The following ZC2HC1A variants were observed in gnomAD, a reference collection of about 807,000 sequenced individuals.
ZC2HC1A encodes zinc finger C2HC-type containing 1A, also known as zinc finger C2HC domain-containing protein 1A.
Under a neutral mutation model 40.7 loss-of-function variants are expected in ZC2HC1A, and 28 were observed. The ratio of observed to expected loss-of-function variants is 0.69; its 90% confidence interval spans 0.51 to 0.94. The LOEUF is 0.94. Among genes scored for constraint, ZC2HC1A ranks in the 40% least tolerant of loss-of-function variants. ZC2HC1A has a pLI of 0.00. For missense variants in ZC2HC1A, 389 were observed against 386.3 expected, an observed-to-expected ratio of 1.01 and a Z score of -0.06; for synonymous variants, 129 against 129.2, an observed-to-expected ratio of 1.00 and a Z score of 0.01.
At chr8:78,702,476 A>C (rs1810636183) in intron 7 of ZC2HC1A, among the ~76,000 whole-genome samples, 1 of 151,916 alleles carries the variant, frequency 6.6e-6, no homozygotes, top group African/African-American at 2.4e-5. Flanking sequence ...TTTAGCTCTG[A>C]TTTTGACTAT....
rs201769469 is a variant in ZC2HC1A at position 78,689,328 on chromosome 8, A to G, written c.459A>G (p.Lys153=). ...EQAARISNKG[K]FSTDTKGKPT... ...CAGCACGTATTAGTAATAAAGGGAA[A>G]TTTTCTACAGATACCAAAGGAAAAC... Residue 153 remains lysine (K), a synonymous_variant, in exon 5 of 9, where the codon AAA becomes AAG. Coordinates refer to ENST00000263849, the MANE Select transcript of ZC2HC1A (RefSeq NM_016010.3). 856 of 1,603,634 alleles carry G rather than the reference A, an allele frequency of 5.3e-4. 1 individual carries two copies. Among genetic ancestry groups the G allele is most frequent in the Non-Finnish European group, 6.5e-4 (759 of 1,175,194 alleles).
At chr8:78,716,201 C>T (rs1811096212) in intron 8 of ZC2HC1A, among the ~76,000 whole-genome samples, 1 of 151,504 alleles carries the variant, frequency 6.6e-6, no homozygotes, top group Non-Finnish European at 1.5e-5. Flanking sequence ...CGGCTCACTG[C>T]AAGCTGTGCC....
intron 1 of ZC2HC1A, among the ~76,000 whole-genome samples, chr8:78,671,282 A>G (rs909683043): frequency 6.6e-6 from 1 of 152,232 alleles, no homozygotes; most frequent in African/African-American, 2.4e-5. Flanking sequence ...CTCATAACAG[A>G]ATCAACAGTG....
chr8:78,669,099 C>A (rs1431580106), intron 1 of ZC2HC1A, among the ~76,000 whole-genome samples: 1 of 152,092 alleles, frequency 6.6e-6, no homozygotes. Flanking sequence ...TTTATTTTTT[C>A]GTAGTATAAA....
At chr8:78,687,495 T>C (rs1313773211) in intron 4 of ZC2HC1A, among the ~76,000 whole-genome samples, 1 of 143,320 alleles carries the variant, frequency 7.0e-6, no homozygotes, top group Non-Finnish European at 1.5e-5. Flanking sequence ...TATATATGTT[T>C]ATATAATAAA....
chr8:78,696,379 TACATTCCAAGC>T (rs1355474764), intron 5 of ZC2HC1A, among the ~76,000 whole-genome samples: 5 of 152,298 alleles, frequency 3.3e-5, no homozygotes, highest in African/African-American at 1.2e-4. Flanking sequence ...CGTATTGGGC[TACATTCCAAGC>T]ACATATGCAA....
At chr8:78,678,484 G>A in intron 2 of ZC2HC1A, 79 bp from the exon 3 acceptor site, 1 of 1,033,616 alleles carries the variant, frequency 9.7e-7, no homozygotes, top group Non-Finnish European at 1.4e-6. Context: ...TTTTAAACTG[G>A]TCTCAATGTA....
In ZC2HC1A at chr8:78,715,332, T is replaced by C. The variant is rs751198940; in HGVS notation, c.812+4T>C. The C allele has an allele frequency of 1.8e-5, 29 of 1,604,810 alleles. No individual in the cohort carries two copies. Among genetic ancestry groups the C allele is most frequent in the Non-Finnish European group, 2.3e-5 (27 of 1,175,666 alleles). ...ATACTGAGAGCTACATAGCCAGGTATGTTTAGCTCTGCTCTCCCAATAACT... is the reference window on the plus strand; with the variant it reads ...ATACTGAGAGCTACATAGCCAGGTACGTTTAGCTCTGCTCTCCCAATAACT... On this transcript the variant is annotated splice_donor_region_variant and intron_variant, in intron 8 of 8. Transcript: ENST00000263849.
At chr8:78,690,725 T>A (rs1163816535) in intron 5 of ZC2HC1A, among the ~76,000 whole-genome samples, 1 of 152,204 alleles carries the variant, frequency 6.6e-6, no homozygotes, top group African/African-American at 2.4e-5. Flanking sequence ...AGTTGTTCAG[T>A]TCATGAACCT....
At chr8:78,674,242 T>G (rs991522431) in intron 1 of ZC2HC1A, among the ~76,000 whole-genome samples, 1 of 152,196 alleles carries the variant, frequency 6.6e-6, no homozygotes, top group Non-Finnish European at 1.5e-5. Context: ...ATAGTTAATT[T>G]TTATAAGATT....
intron 3 of ZC2HC1A, among the ~76,000 whole-genome samples, chr8:78,685,403 G>A (rs1343185325): frequency 1.3e-5 from 2 of 152,102 alleles, no homozygotes; most frequent in Admixed American, 1.3e-4. Context: ...TTGGTGTGAG[G>A]TTGCACCTGG....
At chr8:78,710,784 A>G (rs1810927663) in intron 7 of ZC2HC1A, among the ~76,000 whole-genome samples, 1 of 152,068 alleles carries the variant, frequency 6.6e-6, no homozygotes, top group Non-Finnish European at 1.5e-5. Flanking sequence ...TACTTAATAC[A>G]TTTATTTAAT....
chr8:78,703,917 G>A (rs879674543), intron 7 of ZC2HC1A, among the ~76,000 whole-genome samples: 97 of 152,152 alleles, frequency 6.4e-4, no homozygotes, highest in Non-Finnish European at 1.1e-3. Flanking sequence ...GTAGTGGCTC[G>A]TAATTGTCTT....
intron 1 of ZC2HC1A, among the ~76,000 whole-genome samples, chr8:78,671,193 C>T (rs1809429151): frequency 1.3e-5 from 2 of 152,122 alleles, no homozygotes; most frequent in East Asian, 3.9e-4. Context: ...CTTTATTTCT[C>T]ATCACTTATA....
At chr8:78,696,155 C>G (rs1161014180) in intron 5 of ZC2HC1A, among the ~76,000 whole-genome samples, 1 of 152,016 alleles carries the variant, frequency 6.6e-6, no homozygotes, top group African/African-American at 2.4e-5. Context: ...CTGCCTCAGC[C>G]TCCTGAGTAG....
At chr8:78,680,688 C>T (rs1003321273) in intron 3 of ZC2HC1A, among the ~76,000 whole-genome samples, 1 of 152,056 alleles carries the variant, frequency 6.6e-6, no homozygotes, top group African/African-American at 2.4e-5. Context: ...AGGATTGCCC[C>T]AAAGCAGTTG....
chr8:78,698,142 C>G (rs893850752), intron 6 of ZC2HC1A, among the ~76,000 whole-genome samples: 1 of 152,066 alleles, frequency 6.6e-6, no homozygotes, highest in Admixed American at 6.6e-5. Flanking sequence ...GGCAATTGTT[C>G]GTAGTAGTCA....
Position 78,697,449 on chromosome 8 carries a change from G to T in ZC2HC1A, c.547G>T (p.Ala183Ser), listed in dbSNP as rs936698882. 5 of 1,609,768 alleles carry T rather than the reference G, an allele frequency of 3.1e-6. No individual in the cohort carries two copies. In the East Asian group the frequency reaches 1.1e-4, roughly 36 times the overall value. ...ALKKSNSPGT[A>S]SSGSSRLPQP... ...TAAAAAGTCAAATTCTCCTGGAACT[G>T]CATCATCAGGATCTTCACGATTACC... The change falls in exon 6 of 9, where the codon GCA becomes TCA. Residue 183 changes from alanine (A) to serine (S), a missense_variant. Transcript: ENST00000263849.
intron 5 of ZC2HC1A, among the ~76,000 whole-genome samples, chr8:78,692,728 GT>G (rs546549038): frequency 6.6e-6 from 1 of 151,466 alleles, no homozygotes; most frequent in South Asian, 2.1e-4. Context: ...CTTCTAATTT[GT>G]TTTTTTTATT....
Sources: gnomAD v4.1 joint callset for allele counts (sites outside exome capture counted in the v4.1 genomes callset) on GRCh38, gnomAD v4.1.1 for gene constraint, MANE v1.5 for transcripts, NCBI Gene and HGNC (gene_info 2026-07-23, HGNC 2026-07-21) for gene names.